Variants in ZNF2 observed in about 807,000 individuals in gnomAD.
The protein encoded by ZNF2 is zinc finger protein 2.
In ZNF2, 12 loss-of-function variants were observed where a neutral mutation model predicts 21.9. The observed-to-expected ratio is 0.55, with a 90% CI of 0.35 to 0.89. ZNF2 has a LOEUF of 0.89. Ranked by LOEUF, ZNF2 falls within the 40% of genes least tolerant of loss-of-function variation. The pLI is 0.01. For missense variants in ZNF2, 462 were observed against 544.2 expected (o/e 0.85, Z 1.50); for synonymous variants, 186 against 196.3 (o/e 0.95, Z 0.44).
rs771838923 is a variant in ZNF2, at chr2:95,177,629, G to A, written c.160+20G>A. 1 of 1,612,536 alleles carries A rather than the reference G, an allele frequency of 6.2e-7. No individual in the cohort carries two copies. The highest frequency in any genetic ancestry group is 1.3e-5 in the African/African-American group (1 of 74,886). On this transcript the variant is annotated intron_variant, in intron 3 of 4. Coordinates refer to ENST00000614034, the MANE Select transcript of ZNF2 (RefSeq NM_021088.4). ...CATTGGGTAAGGGGAGCCTCCATGAGGAGGTACAGTCTGTACTATGCTAAT... is the reference window on the plus strand; with the variant it reads ...CATTGGGTAAGGGGAGCCTCCATGAAGAGGTACAGTCTGTACTATGCTAAT...
Position 95,182,100 on chromosome 2 carries a change from A to G in ZNF2, c.1272A>G (p.Ile424Met). Residue 424 changes from isoleucine to methionine, a missense_variant, in exon 5 of 5, where the codon ATA becomes ATG. Ile to Met is a conservative substitution (Grantham distance 10, BLOSUM62 1). Coordinates refer to ENST00000614034, the MANE Select transcript of ZNF2 (RefSeq NM_021088.4). ...AACGGCGTTACGCCAAACAGGGAAT[A>G]GACTGAGTTGGGCAAAAGCTTGGGT... ...QHQRRYAKQG[I>M]D 1 of 1,597,158 alleles carries G rather than the reference A, an allele frequency of 6.3e-7. No individual in the cohort carries two copies. Among genetic ancestry groups the G allele is most frequent in the Non-Finnish European group, 8.6e-7 (1 of 1,169,144 alleles).
At chr2:95,167,771 C>T (rs530274976) in intron 1 of ZNF2, among the ~76,000 whole-genome samples, 4 of 149,534 alleles carry the variant, frequency 2.7e-5, no homozygotes, top group Admixed American at 6.7e-5. Context: ...CACTTGAGCC[C>T]GAGAGGTGGA....
At chr2:95,176,335 A>T (rs1674444280) in intron 2 of ZNF2, 76 bp downstream of exon 2, 1 of 1,584,178 alleles carries the variant, frequency 6.3e-7, no homozygotes, top group Non-Finnish European at 8.7e-7. Context: ...TCTATCCTGG[A>T]GCCTCTTTGA....
chr2:95,170,501 A>G (rs1289501078), intron 1 of ZNF2, among the ~76,000 whole-genome samples: 5 of 152,200 alleles, frequency 3.3e-5, no homozygotes, highest in Non-Finnish European at 7.3e-5. Flanking sequence ...CTAAGCTATA[A>G]TGATTTATTT....
chr2:95,173,813 A>G (rs371473786), intron 1 of ZNF2, among the ~76,000 whole-genome samples: 9 of 152,324 alleles, frequency 5.9e-5, no homozygotes, highest in South Asian at 2.1e-4. Flanking sequence ...GGGTCAACCA[A>G]TTCTCCTGCC....
chr2:95,175,479 C>G (rs2104502608), intron 1 of ZNF2, among the ~76,000 whole-genome samples: 1 of 152,298 alleles, frequency 6.6e-6, no homozygotes, highest in East Asian at 1.9e-4. Context: ...CTTGTACCTC[C>G]CATGTGCCCA....
chr2:95,181,815 T>C lies in ZNF2; in HGVS notation c.987T>C (p.Asn329=). 1 of 1,614,202 alleles carries C rather than the reference T, an allele frequency of 6.2e-7. No homozygotes were observed. Among genetic ancestry groups the C allele is most frequent in the Non-Finnish European group, 8.5e-7 (1 of 1,180,038 alleles). ...CTTTCTATGGTGTCTCGTCTCTGAA[T>C]AGACATCAGAAAGCTCATGCTGGGG... ...GKAFYGVSSL[N]RHQKAHAGDP... Residue 329 remains asparagine (N), a synonymous_variant, in exon 5 of 5, where the codon AAT becomes AAC. Coordinates refer to ENST00000614034, the MANE Select transcript of ZNF2 (RefSeq NM_021088.4).
chr2:95,168,568 G>T (rs575273786), intron 1 of ZNF2, among the ~76,000 whole-genome samples: 17 of 152,280 alleles, frequency 1.1e-4, no homozygotes, highest in South Asian at 1.0e-3. Flanking sequence ...CACACATCTC[G>T]CTGCCCTAGC....
At chr2:95,167,421 G>T (rs1233083642) in intron 1 of ZNF2, among the ~76,000 whole-genome samples, 1 of 150,044 alleles carries the variant, frequency 6.7e-6, no homozygotes, top group African/African-American at 2.5e-5. Context: ...CAGGAGAATG[G>T]CATGAACCCG....
intron 1 of ZNF2, among the ~76,000 whole-genome samples, chr2:95,166,599 C>G (rs1674051079): frequency 6.6e-6 from 1 of 152,034 alleles, no homozygotes; most frequent in Non-Finnish European, 1.5e-5. Flanking sequence ...CAGAGAGCTA[C>G]TTAGGAATGT....
intron 3 of ZNF2, among the ~76,000 whole-genome samples, chr2:95,179,691 A>G (rs1323751326): frequency 2.0e-5 from 3 of 152,208 alleles, no homozygotes; most frequent in African/African-American, 7.2e-5. Flanking sequence ...GCCTCCGTCC[A>G]GAGGTTCCTC....
chr2:95,178,664 A>G (rs1320403374), intron 3 of ZNF2, among the ~76,000 whole-genome samples: 4 of 152,142 alleles, frequency 2.6e-5, no homozygotes, highest in Non-Finnish European at 5.9e-5. Context: ...TATTTCCAGG[A>G]TCTATTTTTT....
rs761092352 is a variant in ZNF2, at chr2:95,183,613, A to ATTTTTTT, written c.*1524_*1530dup. ...TCTTCTCTTCCCTGGGCCCAGTCCT[A>ATTTTTTT]TTTTTTTTTTTTTTTTTTTTTTTGT... On this transcript the variant is annotated 3_prime_UTR_variant, in exon 5 of 5. Transcript: ENST00000614034. 4.6e-5 allele frequency: 4 copies of ATTTTTTT among 87,200 alleles called. No homozygotes were observed. Among genetic ancestry groups the ATTTTTTT allele is most frequent in the African/African-American group, 1.0e-4 (2 of 19,556 alleles). 5.4% of individuals were successfully genotyped at this position (87,200 alleles called of 1,614,324 possible). A position where few individuals can be genotyped will look rare whatever the true frequency, so the allele number is the denominator to read the frequency against.
rs188157583 is a variant in ZNF2, at chr2:95,176,153, A to G, written c.-39-35A>G. The G allele has an allele frequency of 1.4e-4, 217 of 1,586,808 alleles. No homozygotes were observed. In the African/African-American group the frequency reaches 2.7e-3, roughly 20 times the overall value. Reference sequence around the variant, plus strand: ...ATGCGACAGGACTGGTCTTTCTCCTACCTTCTTTCTCACCCCCCACTTCTG... The same window carrying G: ...ATGCGACAGGACTGGTCTTTCTCCTGCCTTCTTTCTCACCCCCCACTTCTG... On this transcript the variant is annotated intron_variant, in intron 1 of 4. Transcript: ENST00000614034.
chr2:95,167,190 A>C (rs1300522308), intron 1 of ZNF2, among the ~76,000 whole-genome samples: 1 of 152,200 alleles, frequency 6.6e-6, no homozygotes, highest in Admixed American at 6.5e-5. Flanking sequence ...GCTTGTCCGA[A>C]CAGTGAAAAG....
In ZNF2 at chr2:95,184,250, A is replaced by G. The variant is rs907098913; in HGVS notation, c.*2144A>G. ...TGAGGAAAAACACATAACAGAATCT[A>G]TAGGTGTGGACAATATGTGATATTG... On this transcript the variant is annotated 3_prime_UTR_variant, in exon 5 of 5. Transcript: ENST00000614034. 1 of 152,232 alleles carries G rather than the reference A, an allele frequency of 6.6e-6. No homozygotes were observed. Among genetic ancestry groups the G allele is most frequent in the African/African-American group, 2.4e-5 (1 of 41,460 alleles). The allele number at this position is 152,232 out of a possible 1,614,324, so 9.4% of individuals were successfully genotyped here.
At chr2:95,171,278 C>T (rs1219118994) in intron 1 of ZNF2, among the ~76,000 whole-genome samples, 2 of 152,096 alleles carry the variant, frequency 1.3e-5, no homozygotes, top group East Asian at 1.9e-4. Context: ...TCTCCATGAA[C>T]GGCATCGTTA....
At chr2:95,175,589 A>G (rs1558712973) in intron 1 of ZNF2, among the ~76,000 whole-genome samples, 3 of 152,054 alleles carry the variant, frequency 2.0e-5, no homozygotes, top group Non-Finnish European at 4.4e-5. Flanking sequence ...TTGTCCTGAC[A>G]TTTCTTAGTT....
Position 95,182,089 on chromosome 2 carries a change from A to G in ZNF2, c.1261A>G (p.Lys421Glu). Residue 421 changes from lysine to glutamate, a missense_variant, in exon 5 of 5, where the codon AAA becomes GAA. Coordinates refer to ENST00000614034, the MANE Select transcript of ZNF2 (RefSeq NM_021088.4). ...SVIQHQRRYAKQGID is the reference protein window; with the variant it reads ...SVIQHQRRYAEQGID Reference sequence around the variant, plus strand: ...TATTCAACATCAACGGCGTTACGCCAAACAGGGAATAGACTGAGTTGGGCA... The same window carrying G: ...TATTCAACATCAACGGCGTTACGCCGAACAGGGAATAGACTGAGTTGGGCA... 6.2e-7 allele frequency: 1 copy of G among 1,606,934 alleles called. No individual in the cohort carries two copies. The highest frequency in any genetic ancestry group is 8.5e-7 in the Non-Finnish European group (1 of 1,174,998).
Sources: gnomAD v4.1 joint callset for allele counts (sites outside exome capture counted in the v4.1 genomes callset) on GRCh38, gnomAD v4.1.1 for gene constraint, MANE v1.5 for transcripts, NCBI Gene and HGNC (gene_info 2026-07-23, HGNC 2026-07-21) for gene names.